PLA2G10: variants seen among roughly 807,000 people sequenced by gnomAD.
The protein encoded by PLA2G10 is phospholipase A2 group X, also known as group 10 secretory phospholipase A2.
In PLA2G10, 9 loss-of-function variants were observed where a neutral mutation model predicts 7.9. The observed-to-expected ratio is 1.14, with a 90% CI of 0.68 to 1.98. The LOEUF (loss-of-function observed/expected upper bound fraction) is 1.98. PLA2G10 is among the 30% of genes most tolerant of loss of function. The pLI is 0.00. For synonymous variants in PLA2G10, 19 were observed against 27.5 expected (o/e 0.69, Z 0.97); for missense variants, 53 against 65.4 (o/e 0.81, Z 0.66).
intron 3 of PLA2G10, among the ~76,000 whole-genome samples, chr16:14,683,203 G>A (rs1960941784): frequency 6.6e-6 from 1 of 151,126 alleles, no homozygotes; most frequent in African/African-American, 2.4e-5. Flanking sequence ...CCTCCATCTA[G>A]AGCCAAGTGA....
chr16:14,674,463 C>G (rs2151848867), intron 3 of PLA2G10, among the ~76,000 whole-genome samples: 2 of 152,106 alleles, frequency 1.3e-5, no homozygotes, highest in South Asian at 2.1e-4. Flanking sequence ...TAGCACTTTG[C>G]AAGGCCGAGG....
chr16:14,677,582 C>G (rs527832044), intron 3 of PLA2G10, among the ~76,000 whole-genome samples: 28 of 152,206 alleles, frequency 1.8e-4, no homozygotes, highest in African/African-American at 6.3e-4. Context: ...GGCCAGGATG[C>G]TCTCAATCTC....
chr16:14,685,325 T>C (rs2151854256), intron 3 of PLA2G10, among the ~76,000 whole-genome samples: 1 of 147,718 alleles, frequency 6.8e-6, no homozygotes, highest in South Asian at 2.1e-4. Flanking sequence ...TAAGCCGAGA[T>C]GGCACCACTG....
intron 3 of PLA2G10, among the ~76,000 whole-genome samples, chr16:14,677,743 T>C (rs1031045446): frequency 6.6e-6 from 1 of 150,752 alleles, no homozygotes; most frequent in Non-Finnish European, 1.5e-5. Context: ...GGATGGATGA[T>C]GGATGATGGA....
chr16:14,685,428 A>C (rs1961027048), intron 3 of PLA2G10, among the ~76,000 whole-genome samples: 1 of 152,016 alleles, frequency 6.6e-6, no homozygotes, highest in Non-Finnish European at 1.5e-5. Context: ...TACTAAGTGA[A>C]GAAGCCAGGA....
intron 3 of PLA2G10, among the ~76,000 whole-genome samples, chr16:14,686,758 G>A (rs896148359): frequency 1.7e-4 from 26 of 152,200 alleles, no homozygotes; most frequent in Middle Eastern, 3.4e-3. Flanking sequence ...GCCTCCCAAA[G>A]TGCTGGAACT....
At chr16:14,674,464 A>G (rs1160250130) in intron 3 of PLA2G10, among the ~76,000 whole-genome samples, 2 of 152,168 alleles carry the variant, frequency 1.3e-5, no homozygotes, top group South Asian at 2.1e-4. Context: ...AGCACTTTGC[A>G]AGGCCGAGGT....
At chr16:14,676,036 C>T (rs999122993) in intron 3 of PLA2G10, among the ~76,000 whole-genome samples, 4 of 151,778 alleles carry the variant, frequency 2.6e-5, no homozygotes, top group South Asian at 2.1e-4. Context: ...AACTCGTCAT[C>T]GGGGAACTGC....
At chr16:14,678,045 G>A (rs145635194) in intron 3 of PLA2G10, among the ~76,000 whole-genome samples, 24 of 152,262 alleles carry the variant, frequency 1.6e-4, no homozygotes, top group Non-Finnish European at 3.1e-4. Flanking sequence ...GCAGGAACAA[G>A]CCTTCCTGCC....
intron 3 of PLA2G10, among the ~76,000 whole-genome samples, chr16:14,687,812 C>T (rs1279444647): frequency 6.6e-6 from 1 of 151,484 alleles, no homozygotes; most frequent in African/African-American, 2.4e-5. Context: ...GCCTGGCCAA[C>T]TTGGTGAAAC....
intron 3 of PLA2G10, among the ~76,000 whole-genome samples, 153 bp from the exon 4 acceptor site, chr16:14,672,902 CA>C (rs1960628324): frequency 6.6e-6 from 1 of 152,054 alleles, no homozygotes; most frequent in Admixed American, 6.6e-5. Flanking sequence ...CCCCAGGAAG[CA>C]GGTGATGTCA....
At chr16:14,686,162 T>A (rs1961054422) in intron 3 of PLA2G10, among the ~76,000 whole-genome samples, 1 of 151,390 alleles carries the variant, frequency 6.6e-6, no homozygotes, top group Non-Finnish European at 1.5e-5. Flanking sequence ...CCGTGCTAGT[T>A]TTCATATTAT....
chr16:14,687,670 G>A (rs932800155), intron 3 of PLA2G10, among the ~76,000 whole-genome samples: 2 of 151,900 alleles, frequency 1.3e-5, no homozygotes, highest in Non-Finnish European at 2.9e-5. Context: ...GTTTCTTCAT[G>A]GTTTTCTTTT....
chr16:14,678,644 C>A, intron 3 of PLA2G10: 1 of 334,374 alleles, frequency 3.0e-6, no homozygotes, highest in Admixed American at 3.6e-5. Context: ...GTGGCACATA[C>A]CTGTGATTCC....
intron 3 of PLA2G10, among the ~76,000 whole-genome samples, chr16:14,682,245 A>C (rs1176839249): frequency 1.3e-5 from 2 of 152,196 alleles, no homozygotes; most frequent in African/African-American, 4.8e-5. Flanking sequence ...TCTTATGCCA[A>C]GTTCTAATCC....
chr16:14,687,104 G>T (rs1375805646), intron 3 of PLA2G10, among the ~76,000 whole-genome samples: 2 of 148,762 alleles, frequency 1.3e-5, no homozygotes, highest in Admixed American at 6.7e-5. Context: ...GTAAAACTCT[G>T]TCTCAAAAAA....
At chr16:14,687,599 CT>C (rs1333097944) in intron 3 of PLA2G10, among the ~76,000 whole-genome samples, 3 of 152,082 alleles carry the variant, frequency 2.0e-5, no homozygotes, top group Non-Finnish European at 4.4e-5. Context: ...AACATTTACA[CT>C]GTTTATTATC....
At chr16:14,685,172 G>A (rs1046790848) in intron 3 of PLA2G10, among the ~76,000 whole-genome samples, 1 of 152,028 alleles carries the variant, frequency 6.6e-6, no homozygotes, top group Non-Finnish European at 1.5e-5. Flanking sequence ...AGGAGTTCAA[G>A]ACCAGCCTGG....
intron 3 of PLA2G10, among the ~76,000 whole-genome samples, chr16:14,674,442 G>A (rs924946946): frequency 2.6e-5 from 4 of 152,178 alleles, no homozygotes; most frequent in South Asian, 2.1e-4. Flanking sequence ...AGTGGCTCAC[G>A]CCTGTAATCC....
Sources: gnomAD v4.1 joint callset for allele counts (sites outside exome capture counted in the v4.1 genomes callset) on GRCh38, gnomAD v4.1.1 for gene constraint, MANE v1.5 for transcripts, NCBI Gene and HGNC (gene_info 2026-07-23, HGNC 2026-07-21) for gene names.